The following SNX15 variants were observed in gnomAD, a reference collection of about 807,000 sequenced individuals.
The protein encoded by SNX15 is sorting nexin 15.
In SNX15, 29 loss-of-function variants were observed where a neutral mutation model predicts 35.2. The ratio of observed to expected loss-of-function variants is 0.82; its 90% CI spans 0.61 to 1.12. The LOEUF (loss-of-function observed/expected upper bound fraction) is 1.12, where lower values mean the gene tolerates loss of function less well. SNX15 is among the 50% of genes most tolerant of loss of function. SNX15 has a pLI of 0.00. For synonymous variants in SNX15, 189 were observed against 188.2 expected, an observed-to-expected ratio of 1.00 and a Z score of -0.03; for missense variants, 400 against 451.5, an observed-to-expected ratio of 0.89 and a Z score of 1.03.
intron 5 of SNX15, 35 bp from the exon 6 acceptor site, chr11:65,035,485 G>C: frequency 6.5e-7 from 1 of 1,546,174 alleles, no homozygotes; most frequent in Non-Finnish European, 8.7e-7. Context: ...AGAAATAAAC[G>C]CAGGTATTCA....
chr11:65,028,251 A>G (rs1346762155), intron 1 of SNX15, among the ~76,000 whole-genome samples: 5 of 152,174 alleles, frequency 3.3e-5, no homozygotes, highest in Non-Finnish European at 7.3e-5. Context: ...GAAACAGTAA[A>G]ACAGGACACC....
intron 5 of SNX15, 134 bp from the exon 6 acceptor site, chr11:65,035,385 TA>T: frequency 7.7e-7 from 1 of 1,291,438 alleles, no homozygotes; most frequent in Non-Finnish European, 1.1e-6. Context: ...TCTTGATCTG[TA>T]AAATGAGCAC....
intron 3 of SNX15, among the ~76,000 whole-genome samples, chr11:65,034,601 CCTT>C (rs1295074413): frequency 6.6e-6 from 1 of 152,218 alleles, no homozygotes; most frequent in African/African-American, 2.4e-5. Flanking sequence ...CCCCTGTTCA[CCTT>C]CTGAGTCTAG....
intron 3 of SNX15, among the ~76,000 whole-genome samples, chr11:65,033,972 C>T (rs564154241): frequency 2.3e-4 from 35 of 151,746 alleles, no homozygotes; most frequent in African/African-American, 8.2e-4. Flanking sequence ...CCTCCTAAAA[C>T]GCTGGGATTA....
chr11:65,031,674 C>T (rs1039302635), intron 1 of SNX15, among the ~76,000 whole-genome samples: 3 of 152,166 alleles, frequency 2.0e-5, no homozygotes, highest in South Asian at 4.1e-4. Flanking sequence ...GAGGCTGAGG[C>T]GGGCGGATCA....
At chr11:65,027,673 C>T (rs773520460) in intron 1 of SNX15, 37 bp downstream of exon 1, 1 of 1,494,178 alleles carries the variant, frequency 6.7e-7, no homozygotes, top group Non-Finnish European at 9.3e-7. Context: ...ACCCTTTTAA[C>T]TAGAGGGGCG....
At chr11:65,035,014 G>T in intron 4 of SNX15, 45 bp from the exon 5 acceptor site, 1 of 1,613,746 alleles carries the variant, frequency 6.2e-7, no homozygotes, top group Non-Finnish European at 8.5e-7. Context: ...CCACCCACCA[G>T]ATTGCACCCC....
intron 3 of SNX15, among the ~76,000 whole-genome samples, chr11:65,034,308 C>T (rs2136934215): frequency 6.6e-6 from 1 of 152,282 alleles, no homozygotes; most frequent in East Asian, 1.9e-4. Context: ...ATAGTCCCAG[C>T]TACTTGGGAG....
chr11:65,029,546 T>C (rs1428154546), intron 1 of SNX15, among the ~76,000 whole-genome samples: 2 of 148,868 alleles, frequency 1.3e-5, no homozygotes, highest in Admixed American at 1.3e-4. Flanking sequence ...ATAATAAATA[T>C]AAAATATAAA....
rs1346465315 is a variant in SNX15, at chr11:65,034,934, A to G, written c.344A>G (p.Asn115Ser). Residue 115 changes from asparagine to serine, a missense_variant, in exon 4 of 8, where the codon AAC becomes AGC. Physicochemically the swap from Asn to Ser is conservative, Grantham distance 46. Coordinates refer to ENST00000377244, the MANE Select transcript of SNX15 (RefSeq NM_013306.5). ...RFTVHIPALN[N>S]SPQLKEFFRG... is the part of the protein sequence containing the mutation. ...ACTGTGCACATACCTGCGCTCAACA[A>G]CAGCCCCCAGCTCAAGGAGTTCTTC... 6.2e-7 allele frequency: 1 copy of G among 1,614,064 alleles called. No homozygotes were observed. Among genetic ancestry groups the G allele is most frequent in the Non-Finnish European group, 8.5e-7 (1 of 1,179,976 alleles).
intron 2 of SNX15, 62 bp downstream of exon 2, chr11:65,032,265 G>A (rs1262803531): frequency 1.3e-6 from 2 of 1,587,148 alleles, no homozygotes; most frequent in Non-Finnish European, 8.7e-7. Flanking sequence ...CTGTCAAGGG[G>A]CAGCTGGTAA....
Position 65,034,128 on chromosome 11 carries a change from C to A in SNX15, c.257-719C>A, listed in dbSNP as rs897503137. Among the ~76,000 whole-genome samples the A allele has an allele frequency of 2.0e-5, 3 of 152,138 alleles. No individual in the cohort carries two copies. In the South Asian group the frequency reaches 6.2e-4, roughly 31 times the overall value. On this transcript the variant is annotated intron_variant, in intron 3 of 7. Coordinates refer to ENST00000377244, the MANE Select transcript of SNX15 (RefSeq NM_013306.5). ...CAGAGTTAGCCTGCTCTGCAAAATA[C>A]CTAGGACAGAGCAGTGAAACTGTGG...
At chr11:65,038,212 C>T in intron 6 of SNX15, 1 of 985,290 alleles carries the variant, frequency 1.0e-6, no homozygotes, top group Non-Finnish European at 1.2e-6. Flanking sequence ...CTACCCTCAG[C>T]CTGGTGGTGG....
intron 7 of SNX15, among the ~76,000 whole-genome samples, chr11:65,039,474 G>A (rs1225911392): frequency 2.0e-5 from 3 of 151,836 alleles, no homozygotes; most frequent in Admixed American, 6.6e-5. Context: ...CACCCACCTC[G>A]GCCTCCCAAA....
intron 7 of SNX15, among the ~76,000 whole-genome samples, chr11:65,039,093 G>GGTT: frequency 8.1e-6 from 1 of 123,966 alleles, no homozygotes; most frequent in South Asian, 2.7e-4. Flanking sequence ...GCACAATCTC[G>GGTT]GCTCACTGCA....
chr11:65,028,201 A>G (rs1464387306), intron 1 of SNX15, among the ~76,000 whole-genome samples: 2 of 152,224 alleles, frequency 1.3e-5, no homozygotes, highest in Non-Finnish European at 2.9e-5. Context: ...AGCACAATTT[A>G]TAGAGAGACA....
In SNX15 at chr11:65,032,564, T is replaced by C. The variant is rs996665406; in HGVS notation, c.256+13T>C. 14 of 1,613,874 alleles carry C rather than the reference T, an allele frequency of 8.7e-6. No homozygotes were observed. Among genetic ancestry groups the C allele is most frequent in the East Asian group, 4.5e-5 (2 of 44,882 alleles). On this transcript the variant is annotated intron_variant, in intron 3 of 7. Transcript: ENST00000377244. Reference sequence around the variant, plus strand: ...GCCCAGGTGTTTGGTGAGTGTTAGATTGGGGCACTCGGGCCAAAGATGGAG... The same window carrying C: ...GCCCAGGTGTTTGGTGAGTGTTAGACTGGGGCACTCGGGCCAAAGATGGAG...
At chr11:65,031,403 C>A (rs558266844) in intron 1 of SNX15, among the ~76,000 whole-genome samples, 1 of 152,368 alleles carries the variant, frequency 6.6e-6, no homozygotes, top group Admixed American at 6.5e-5. Context: ...ACGATGAAAA[C>A]TGAATCTTGT....
chr11:65,027,840 A>C (rs986286920), intron 1 of SNX15, among the ~76,000 whole-genome samples: 6 of 152,188 alleles, frequency 3.9e-5, no homozygotes, highest in Non-Finnish European at 7.3e-5. Flanking sequence ...CTTTTTTAAA[A>C]GGGCGTTGAC....
Sources: allele counts gnomAD v4.1 joint callset (sites outside exome capture counted in the v4.1 genomes callset), GRCh38; gene constraint gnomAD v4.1.1; transcripts MANE v1.5; gene names NCBI Gene and HGNC (gene_info 2026-07-23, HGNC 2026-07-21).